ELP4: variants seen among roughly 807,000 people sequenced by gnomAD.
ELP4 encodes elongator acetyltransferase complex subunit 4.
Under a neutral mutation model 48.9 loss-of-function variants are expected in ELP4, and 51 were observed. The observed-to-expected ratio is 1.04, with a 90% CI of 0.83 to 1.32. ELP4 has a LOEUF of 1.32. Among genes scored for constraint, ELP4 ranks in the 40% most tolerant of loss-of-function variants. The probability of loss-of-function intolerance (pLI) is 0.00; values close to 1 mark genes in which losing one functional copy is unlikely to be tolerated. For synonymous variants in ELP4, 210 were observed against 189.2 expected, an observed-to-expected ratio of 1.11 and a Z score of -0.90; for missense variants, 519 against 514.6, an observed-to-expected ratio of 1.01 and a Z score of -0.08.
chr11:31,728,532 A>G (rs1191200162), intron 9 of ELP4, among the ~76,000 whole-genome samples: 1 of 152,200 alleles, frequency 6.6e-6, no homozygotes, highest in East Asian at 1.9e-4. Flanking sequence ...AATAGTAAGT[A>G]TGAGTTCTTA....
chr11:31,515,154 T>G (rs985683068), intron 1 of ELP4, among the ~76,000 whole-genome samples: 1 of 151,966 alleles, frequency 6.6e-6, no homozygotes, highest in African/African-American at 2.4e-5. Context: ...GAGTTACATC[T>G]TATTCCCCAC....
chr11:31,622,372 T>G (rs967027592), intron 5 of ELP4, among the ~76,000 whole-genome samples: 3 of 151,156 alleles, frequency 2.0e-5, no homozygotes, highest in African/African-American at 7.3e-5. Flanking sequence ...ACTTTTTTTC[T>G]TTTTTCTTAA....
At chr11:31,694,161 G>A (rs1946347300) in intron 9 of ELP4, among the ~76,000 whole-genome samples, 1 of 152,088 alleles carries the variant, frequency 6.6e-6, no homozygotes, top group South Asian at 2.1e-4. Flanking sequence ...AAGTTCTTTA[G>A]TTTAATTAGA....
intron 3 of ELP4, among the ~76,000 whole-genome samples, chr11:31,544,632 A>G (rs1956663674): frequency 6.6e-6 from 1 of 152,224 alleles, no homozygotes; most frequent in South Asian, 2.1e-4. Context: ...CCTGTCTGAC[A>G]GCTTTGAAGA....
At chr11:31,740,541 T>C (rs1250689875) in intron 9 of ELP4, among the ~76,000 whole-genome samples, 1 of 152,212 alleles carries the variant, frequency 6.6e-6, no homozygotes, top group African/African-American at 2.4e-5. Flanking sequence ...GCCTGAATAA[T>C]AGAGGCAGGC....
intron 9 of ELP4, among the ~76,000 whole-genome samples, chr11:31,735,670 A>G (rs1257017020): frequency 6.6e-6 from 1 of 152,204 alleles, no homozygotes; most frequent in Admixed American, 6.5e-5. Context: ...AAGCATTCTT[A>G]TACACCATTA....
intron 3 of ELP4, among the ~76,000 whole-genome samples, chr11:31,575,141 A>C (rs1321020776): frequency 6.6e-6 from 1 of 152,262 alleles, no homozygotes. Context: ...TACGTGAAGC[A>C]TGCATAAGCT....
chr11:31,595,210 G>T (rs1348964895), intron 4 of ELP4, among the ~76,000 whole-genome samples: 1 of 152,120 alleles, frequency 6.6e-6, no homozygotes, highest in Non-Finnish European at 1.5e-5. Flanking sequence ...AATATTCAAT[G>T]TAAGTGATGG....
intron 9 of ELP4, among the ~76,000 whole-genome samples, chr11:31,765,520 C>A (rs1394231377): frequency 1.3e-5 from 2 of 152,040 alleles, no homozygotes; most frequent in Non-Finnish European, 2.9e-5. Flanking sequence ...AAATCTTAAG[C>A]TGGATATAAT....
chr11:31,541,186 A>AT (rs1956584926), intron 3 of ELP4, among the ~76,000 whole-genome samples: 1 of 152,232 alleles, frequency 6.6e-6, no homozygotes, highest in African/African-American at 2.4e-5. Flanking sequence ...TTGCCTTAGT[A>AT]TAAAAGTCAC....
intron 5 of ELP4, 83 bp downstream of exon 5, chr11:31,603,990 A>T: frequency 9.0e-7 from 1 of 1,116,716 alleles, no homozygotes; most frequent in South Asian, 1.6e-5. Context: ...GAAAGAATAC[A>T]CATCTAAGGG....
Position 31,784,732 on chromosome 11 carries a change from C to A in ELP4, c.*1208C>A, listed in dbSNP as rs981257334. 9.1e-5 allele frequency: 15 copies of A among 164,496 alleles called. No individual in the cohort carries two copies. Among genetic ancestry groups the A allele is most frequent in the Non-Finnish European group, 1.9e-4 (14 of 75,212 alleles). The allele number at this position is 164,496 out of a possible 1,614,324, so 10.2% of individuals were successfully genotyped here. On this transcript the variant is annotated 3_prime_UTR_variant, in exon 10 of 10. Coordinates refer to ENST00000640961, the MANE Select transcript of ELP4 (RefSeq NM_019040.5). ...GAAAACAAAGACTAGGTTTTTAAAA[C>A]TGTCTAACCAATATGATGAATGTCA... is the stretch of plus-strand genomic sequence containing the variant.
rs189673923 is a variant in ELP4 at position 31,764,177 on chromosome 11, A to G, written c.1144-19216A>G. Reference sequence around the variant, plus strand: ...GCGATACAATATTGCGATAATGTCTATTTTATACCTAGGTGGACAAACACA... The same window carrying G: ...GCGATACAATATTGCGATAATGTCTGTTTTATACCTAGGTGGACAAACACA... On this transcript the variant is annotated intron_variant, in intron 9 of 9. Transcript: ENST00000640961. Among the ~76,000 whole-genome samples the G allele has an allele frequency of 5.6e-4, 86 of 152,258 alleles. 1 individual carries two copies. The highest frequency in any genetic ancestry group is 3.4e-3 in the Middle Eastern group (1 of 294).
chr11:31,613,808 A>C (rs1958026972), intron 5 of ELP4, among the ~76,000 whole-genome samples: 1 of 149,434 alleles, frequency 6.7e-6, no homozygotes, highest in Non-Finnish European at 1.5e-5. Context: ...TCCTGGGTTC[A>C]AGCAATTCTC....
At chr11:31,750,183 G>C (rs962248117) in intron 9 of ELP4, among the ~76,000 whole-genome samples, 1 of 152,078 alleles carries the variant, frequency 6.6e-6, no homozygotes, top group Admixed American at 6.6e-5. Context: ...AATACTGATA[G>C]AAGTATTTCC....
intron 2 of ELP4, among the ~76,000 whole-genome samples, chr11:31,521,857 A>C (rs1956219033): frequency 6.6e-6 from 1 of 152,114 alleles, no homozygotes. Flanking sequence ...AGTTTACTTA[A>C]ATTATGCCAT....
At chr11:31,518,368 A>G (rs1956156455) in intron 1 of ELP4, among the ~76,000 whole-genome samples, 1 of 152,138 alleles carries the variant, frequency 6.6e-6, no homozygotes, top group Non-Finnish European at 1.5e-5. Flanking sequence ...AGCCTCCCAA[A>G]GTGCTGGGAT....
intron 3 of ELP4, among the ~76,000 whole-genome samples, chr11:31,556,520 A>AT (rs1956932472): frequency 1.3e-5 from 2 of 151,922 alleles, no homozygotes; most frequent in African/African-American, 4.8e-5. Flanking sequence ...TATCCTTTTC[A>AT]TAATTTTTAA....
At chr11:31,748,495 C>T (rs7119864) in intron 9 of ELP4, among the ~76,000 whole-genome samples, 111,176 of 151,692 alleles carry the variant, frequency 0.73, 42,294 homozygotes, top group East Asian at 0.99. Context: ...TCTGCCCACC[C>T]CAGCCTCCCA....
Sources: allele counts gnomAD v4.1 joint callset (sites outside exome capture counted in the v4.1 genomes callset), GRCh38; gene constraint gnomAD v4.1.1; transcripts MANE v1.5; gene names NCBI Gene and HGNC (gene_info 2026-07-23, HGNC 2026-07-21).